Variants in FRMD8 observed in about 807,000 individuals in gnomAD.
The protein encoded by FRMD8 is FERM domain-containing protein 8.
A neutral mutation model predicts 54.2 loss-of-function variants in FRMD8; 37 were observed. The ratio of observed to expected loss-of-function variants is 0.68; its 90% confidence interval spans 0.53 to 0.90. The LOEUF is 0.90. Among genes scored for constraint, FRMD8 ranks in the 40% least tolerant of loss-of-function variants. The pLI, the probability that FRMD8 is intolerant of heterozygous loss-of-function variation, is 0.00. For missense variants in FRMD8, 585 were observed against 653.7 expected (o/e 0.89, Z 1.15); for synonymous variants, 246 against 286.9 (o/e 0.86, Z 1.44).
chr11:65,377,526 T>G, the FRMD8 span: 1 of 584,364 alleles, frequency 1.7e-6, no homozygotes, highest in Non-Finnish European at 2.2e-6. Flanking sequence ...GTGAGTGCTG[T>G]TCTCCTGCGC....
chr11:65,393,094 G>C (rs1855875305), intron 3 of FRMD8, among the ~76,000 whole-genome samples: 1 of 152,230 alleles, frequency 6.6e-6, no homozygotes, highest in Non-Finnish European at 1.5e-5. Context: ...CAGGATGGAA[G>C]GTCAGCTGGA....
At chr11:65,403,082 T>A (rs1856116138) in intron 9 of FRMD8, among the ~76,000 whole-genome samples, 1 of 152,188 alleles carries the variant, frequency 6.6e-6, no homozygotes, top group Non-Finnish European at 1.5e-5. Flanking sequence ...CTCACTATGT[T>A]GCCCAGGCTA....
intron 3 of FRMD8, among the ~76,000 whole-genome samples, chr11:65,392,921 T>G (rs1019500054): frequency 4.6e-5 from 7 of 152,080 alleles, no homozygotes; most frequent in African/African-American, 1.4e-4. Context: ...AAGAAGAACA[T>G]CAAGCGCAGA....
rs1856341206 is a variant in FRMD8 at position 65,411,851 on chromosome 11, G to A, written c.*491G>A. The A allele has an allele frequency of 1.3e-5, 2 of 153,188 alleles. No individual in the cohort carries two copies. The highest frequency in any genetic ancestry group is 2.9e-5 in the Non-Finnish European group (2 of 68,744). 9.5% of individuals were successfully genotyped at this position (153,188 alleles called of 1,614,324 possible). A position where few individuals can be genotyped will look rare whatever the true frequency, so the allele number is the denominator to read the frequency against. ...GCTAGTGCTCCACCCCCCGGACTTG[G>A]ATGACCAGTTTCCCACCTTCCTCCT... is the stretch of plus-strand genomic sequence containing the variant. On this transcript the variant is annotated 3_prime_UTR_variant, in exon 11 of 11. Coordinates refer to ENST00000317568, the MANE Select transcript of FRMD8 (RefSeq NM_031904.5).
At chr11:65,383,348 T>C (rs1487966100), upstream of FRMD8, 1 of 152,494 alleles carries the variant, frequency 6.6e-6, no homozygotes, top group Non-Finnish European at 1.5e-5. Context: ...TGGGGCTCCT[T>C]GGGCCACCCC....
chr11:65,372,945 C>T, the FRMD8 span, among the ~76,000 whole-genome samples: 3 of 152,124 alleles, frequency 2.0e-5, no homozygotes, highest in African/African-American at 7.2e-5. Context: ...AGAGATGGTC[C>T]GATCAGAAGG....
intron 10 of FRMD8, among the ~76,000 whole-genome samples, chr11:65,406,497 A>AT: frequency 8.0e-6 from 1 of 124,892 alleles, no homozygotes; most frequent in East Asian, 2.3e-4. Context: ...CCCGGCCCTA[A>AT]TTTTTTGTTT....
At chr11:65,387,210 G>T (rs777760481) in intron 2 of FRMD8, 89 bp downstream of exon 2, 2 of 1,040,400 alleles carry the variant, frequency 1.9e-6, no homozygotes, top group East Asian at 4.7e-5. Flanking sequence ...TTTCATTAAA[G>T]ATAATTTATG....
At chr11:65,397,406 G>A (rs1331369985) in intron 7 of FRMD8, among the ~76,000 whole-genome samples, 4 of 152,242 alleles carry the variant, frequency 2.6e-5, no homozygotes, top group African/African-American at 7.2e-5. Context: ...CCTGCCTGAT[G>A]AAGCTGATGT....
At chr11:65,399,067 G>A (rs1333218348) in intron 7 of FRMD8, among the ~76,000 whole-genome samples, 4 of 145,030 alleles carry the variant, frequency 2.8e-5, no homozygotes, top group African/African-American at 1.0e-4. Flanking sequence ...GCACGATCTT[G>A]GCTCACTGCG....
At chr11:65,395,121 C>G (rs528117811) in intron 6 of FRMD8, among the ~76,000 whole-genome samples, 6 of 152,228 alleles carry the variant, frequency 3.9e-5, no homozygotes, top group Admixed American at 2.6e-4. Context: ...GTGGCACACA[C>G]CTGTAATCCC....
chr11:65,412,434 T>C lies in FRMD8; in HGVS notation c.*1074T>C, dbSNP rs560877177. 2 of 152,384 alleles carry C rather than the reference T, an allele frequency of 1.3e-5. No individual in the cohort carries two copies. The highest frequency in any genetic ancestry group is 4.1e-4 in the South Asian group (2 of 4,828). The allele number at this position is 152,384 out of a possible 1,614,324, so 9.4% of individuals were successfully genotyped here. On this transcript the variant is annotated 3_prime_UTR_variant, in exon 11 of 11. Transcript: ENST00000317568. ...AAAGCCTGGGCCACACGGGACACTC[T>C]CTTCTTTATCGAGGACACTTGGAAA...
At position 65,411,351 on chromosome 11, in the gene FRMD8, G is replaced by C; in HGVS notation, c.1386G>C (p.Glu462Asp). 6.3e-7 allele frequency: 1 copy of C among 1,595,932 alleles called. No individual in the cohort carries two copies. Among genetic ancestry groups the C allele is most frequent in the Non-Finnish European group, 8.5e-7 (1 of 1,172,062 alleles). The change falls in exon 11 of 11, where the codon GAG becomes GAC. Residue 462 changes from glutamate to aspartate, a missense_variant. Coordinates refer to ENST00000317568, the MANE Select transcript of FRMD8 (RefSeq NM_031904.5). ...TGGTGCAGCCCGGCGACAGCCTGGAGCAGGGCTGAGGACGCTGCACCCGGC... is the reference window on the plus strand; with the variant it reads ...TGGTGCAGCCCGGCGACAGCCTGGACCAGGGCTGAGGACGCTGCACCCGGC... Reference protein sequence around the residue: ...YTVVQPGDSLEQG With the variant: ...YTVVQPGDSLDQG
At chr11:65,390,291 C>T (rs971823823) in intron 3 of FRMD8, among the ~76,000 whole-genome samples, 3 of 152,088 alleles carry the variant, frequency 2.0e-5, no homozygotes, top group Non-Finnish European at 4.4e-5. Context: ...CCTGCTGGTT[C>T]GCACAGGAGG....
chr11:65,399,278 C>T lies in FRMD8; in HGVS notation c.804-458C>T, dbSNP rs1398114459. 3.9e-5 allele frequency among the ~76,000 whole-genome samples: 6 copies of T among 152,084 alleles called. 1 individual carries two copies. The highest frequency in any genetic ancestry group is 2.6e-4 in the Admixed American group (4 of 15,266). On this transcript the variant is annotated intron_variant, in intron 7 of 10. Transcript: ENST00000317568. ...CCTCCCAAAGTGCTGAGATCACAGG[C>T]ATGAGCCACCGCGCCCAGCCTCTTC... is the stretch of plus-strand genomic sequence containing the variant.
chr11:65,380,651 G>C, the FRMD8 span: 1 of 1,271,386 alleles, frequency 7.9e-7, no homozygotes, highest in South Asian at 1.2e-5. Context: ...GGTCATGCCT[G>C]GGCACCTGCA....
intron 9 of FRMD8, among the ~76,000 whole-genome samples, chr11:65,401,491 G>A (rs1218803861): frequency 6.7e-6 from 1 of 148,432 alleles, no homozygotes; most frequent in Non-Finnish European, 1.5e-5. Context: ...TTTCATCTCG[G>A]GTCTCTCTGG....
Position 65,404,532 on chromosome 11 carries a change from C to G in FRMD8, c.1072-332C>G, listed in dbSNP as rs535653682. Among the ~76,000 whole-genome samples the G allele has an allele frequency of 6.6e-6, 1 of 151,072 alleles. No individual in the cohort carries two copies. The highest frequency in any genetic ancestry group is 6.6e-5 in the Admixed American group (1 of 15,146). On this transcript the variant is annotated intron_variant, in intron 9 of 10. Coordinates refer to ENST00000317568, the MANE Select transcript of FRMD8 (RefSeq NM_031904.5). This position sits in a 1 kb window ranked among gnomAD's most constrained non-coding sequence, Gnocchi z 4.7. ...CGCCTCCCCGCCCCGCTTCCCCACT[C>G]TTCGTCCTCTCTGCAGCAGCTGGCT...
rs2137854779 is a variant in FRMD8 at position 65,387,131 on chromosome 11, A to G, written c.85+10A>G. On this transcript the variant is annotated intron_variant, in intron 2 of 10. Coordinates refer to ENST00000317568, the MANE Select transcript of FRMD8 (RefSeq NM_031904.5). ...TCCGTGGGAGCCCGAGGTGGGTCCC[A>G]CCCGCATCTCCTCTTCCACACCCTC... The G allele has an allele frequency of 6.2e-7, 1 of 1,602,566 alleles. No individual in the cohort carries two copies. Among genetic ancestry groups the G allele is most frequent in the Admixed American group, 1.7e-5 (1 of 60,010 alleles).
Sources: gnomAD v4.1 joint callset for allele counts (sites outside exome capture counted in the v4.1 genomes callset) on GRCh38, gnomAD v4.1.1 for gene constraint, Gnocchi (gnomAD v3.1) non-coding constraint, MANE v1.5 for transcripts, NCBI Gene and HGNC (gene_info 2026-07-23, HGNC 2026-07-21) for gene names.